UGGT2: variants seen among roughly 807,000 people sequenced by gnomAD.
The protein encoded by UGGT2 is UDP-glucose:glycoprotein glucosyltransferase 2.
In UGGT2, 180 loss-of-function variants were observed where a neutral mutation model predicts 192.1. That is an observed-to-expected ratio of 0.94 (90% CI 0.83 to 1.06). The LOEUF is 1.06. Among genes scored for constraint, UGGT2 ranks in the 50% least tolerant of loss-of-function variants. The probability of loss-of-function intolerance (pLI) is 0.00; values close to 1 mark genes in which losing one functional copy is unlikely to be tolerated. For synonymous variants in UGGT2, 580 were observed against 591.0 expected (o/e 0.98, Z 0.27); for missense variants, 1,849 against 1,795.7 (o/e 1.03, Z -0.54).
intron 29 of UGGT2, among the ~76,000 whole-genome samples, chr13:95,871,655 T>G (rs1891231329): frequency 6.6e-6 from 1 of 152,220 alleles, no homozygotes; most frequent in South Asian, 2.1e-4. Context: ...GCAACTGCTC[T>G]GAACTAGAGT....
At chr13:95,805,965 C>G (rs1266677191) in intron 38 of UGGT2, among the ~76,000 whole-genome samples, 1 of 137,548 alleles carries the variant, frequency 7.3e-6, no homozygotes, top group African/African-American at 2.8e-5. Context: ...AGGATTGAAC[C>G]AAGAGGTATA....
At chr13:96,000,924 C>T (rs1012793062) in intron 5 of UGGT2, among the ~76,000 whole-genome samples, 1 of 152,084 alleles carries the variant, frequency 6.6e-6, no homozygotes, top group African/African-American at 2.4e-5. Flanking sequence ...AAAAATGTAG[C>T]ATAAATATGT....
intron 29 of UGGT2, among the ~76,000 whole-genome samples, chr13:95,871,076 A>G (rs1276471355): frequency 1.3e-5 from 2 of 152,260 alleles, no homozygotes; most frequent in African/African-American, 2.4e-5. Flanking sequence ...GACACCATCT[A>G]AACAAAAAAT....
intron 4 of UGGT2, among the ~76,000 whole-genome samples, chr13:96,019,289 A>G (rs1050860421): frequency 4.6e-5 from 7 of 152,168 alleles, no homozygotes; most frequent in Non-Finnish European, 7.3e-5. Flanking sequence ...GAACATTAGT[A>G]TGTTTACATG....
At position 95,925,692 on chromosome 13, in the gene UGGT2, T is replaced by C. The variant is rs749659936; in HGVS notation, c.2283A>G (p.Ala761=). 1 of 1,558,808 alleles carries C rather than the reference T, an allele frequency of 6.4e-7. No homozygotes were observed. ...KPSGRKLLFN[A]LKHMKTSVHS... Reference sequence around the variant, plus strand: ...TCTAGGTACTCACCATGTGCTTTAATGCATTAAAAAGAAGTTTTCTCCCAG... The same window carrying C: ...TCTAGGTACTCACCATGTGCTTTAACGCATTAAAAAGAAGTTTTCTCCCAG... The change falls in exon 20 of 39, where the codon GCA becomes GCG. Residue 761 remains alanine, a synonymous_variant. Coordinates refer to ENST00000376747, the MANE Select transcript of UGGT2 (RefSeq NM_020121.4).
At chr13:95,946,738 T>C (rs1193715926) in intron 15 of UGGT2, among the ~76,000 whole-genome samples, 3 of 152,244 alleles carry the variant, frequency 2.0e-5, no homozygotes, top group Admixed American at 1.3e-4. Context: ...TCTATTAATA[T>C]GTTTTCCTCT....
intron 5 of UGGT2, among the ~76,000 whole-genome samples, chr13:96,000,359 TC>T (rs2051759902): frequency 6.6e-6 from 1 of 152,222 alleles, no homozygotes; most frequent in Non-Finnish European, 1.5e-5. Flanking sequence ...GAGTGACTGT[TC>T]TTTGGCCTGT....
intron 13 of UGGT2, 41 bp from the exon 14 acceptor site, chr13:95,948,122 GA>G: frequency 2.7e-6 from 4 of 1,470,876 alleles, no homozygotes; most frequent in Non-Finnish European, 3.7e-6. Context: ...CAACACCTTA[GA>G]ATCTTCATGA....
intron 29 of UGGT2, 33 bp downstream of exon 29, chr13:95,877,246 T>C: frequency 6.7e-7 from 1 of 1,488,628 alleles, no homozygotes; most frequent in African/African-American, 1.4e-5. Context: ...CGTATTTATG[T>C]GTAAAAATTT....
chr13:95,975,841 A>G (rs2050920494), intron 10 of UGGT2, among the ~76,000 whole-genome samples: 1 of 152,152 alleles, frequency 6.6e-6, no homozygotes, highest in South Asian at 2.1e-4. Context: ...TCACGGGTAC[A>G]TAATAGTTGT....
At chr13:95,875,472 G>A (rs2140152377) in intron 29 of UGGT2, among the ~76,000 whole-genome samples, 1 of 152,212 alleles carries the variant, frequency 6.6e-6, no homozygotes, top group Non-Finnish European at 1.5e-5. Context: ...GTTTAATAAA[G>A]GGCTTTCTCA....
At chr13:95,812,041 T>A (rs1884611029) in intron 38 of UGGT2, among the ~76,000 whole-genome samples, 1 of 152,180 alleles carries the variant, frequency 6.6e-6, no homozygotes, top group South Asian at 2.1e-4. Flanking sequence ...ATGCTTTAAA[T>A]GAAAGGTTAG....
intron 4 of UGGT2, among the ~76,000 whole-genome samples, chr13:96,018,234 G>A (rs756487217): frequency 8.5e-5 from 13 of 152,190 alleles, no homozygotes; most frequent in Non-Finnish European, 7.3e-5. Flanking sequence ...TGTGAATGAA[G>A]ATCAGGAGTG....
At chr13:96,032,506 C>T (rs1594612160) in intron 1 of UGGT2, among the ~76,000 whole-genome samples, 2 of 152,192 alleles carry the variant, frequency 1.3e-5, no homozygotes, top group South Asian at 4.1e-4. Flanking sequence ...TGCACTATGT[C>T]TTTGGCCATA....
chr13:95,908,518 G>A (rs1348286384), intron 20 of UGGT2, among the ~76,000 whole-genome samples: 1 of 152,012 alleles, frequency 6.6e-6, no homozygotes, highest in African/African-American at 2.4e-5. Flanking sequence ...CTGAGGAATC[G>A]CCACACTGAC....
intron 8 of UGGT2, among the ~76,000 whole-genome samples, chr13:95,989,202 T>C (rs768864603): frequency 6.6e-6 from 1 of 152,086 alleles, no homozygotes; most frequent in Non-Finnish European, 1.5e-5. Context: ...GAATAGTATG[T>C]GAACGTATTA....
At chr13:96,026,693 C>G (rs1218441842) in intron 2 of UGGT2, among the ~76,000 whole-genome samples, 2 of 117,752 alleles carry the variant, frequency 1.7e-5, no homozygotes, top group Non-Finnish European at 3.2e-5. Flanking sequence ...GAGACGGAGT[C>G]TCGCTCTGTC....
intron 20 of UGGT2, among the ~76,000 whole-genome samples, chr13:95,906,990 A>T (rs1371082432): frequency 3.9e-5 from 6 of 152,138 alleles, no homozygotes; most frequent in Non-Finnish European, 8.8e-5. Context: ...GGGGTGGGGG[A>T]ATTTCCCTTT....
Position 95,937,012 on chromosome 13 carries a change from T to A in UGGT2, c.1889A>T (p.His630Leu), listed in dbSNP as rs146461480. The change falls in exon 17 of 39, where the codon CAT becomes CTT. Residue 630 changes from histidine to leucine, a missense_variant. Coordinates refer to ENST00000376747, the MANE Select transcript of UGGT2 (RefSeq NM_020121.4). ...QALYNGEPFK[H>L]EEMNIKELKM... ...TAGTTCTTTAATATTCATCTCTTCA[T>A]GTTTAAAGGGTTCACCATTATAAAG... 3 of 1,607,490 alleles carry A rather than the reference T, an allele frequency of 1.9e-6. No homozygotes were observed. The highest frequency in any genetic ancestry group is 2.5e-6 in the Non-Finnish European group (3 of 1,178,658).
Sources: gnomAD v4.1 joint callset for allele counts (sites outside exome capture counted in the v4.1 genomes callset) on GRCh38, gnomAD v4.1.1 for gene constraint, MANE v1.5 for transcripts, NCBI Gene and HGNC (gene_info 2026-07-23, HGNC 2026-07-21) for gene names.